Variants in KIF23 observed in about 807,000 individuals in gnomAD.
KIF23 encodes the protein kinesin-like protein KIF23.
Under a neutral mutation model 137.5 loss-of-function variants are expected in KIF23, and 30 were observed. That is an observed-to-expected ratio of 0.22 (90% CI 0.16 to 0.30). KIF23 has a LOEUF of 0.30. Among genes scored for constraint, KIF23 ranks in the 10% least tolerant of loss-of-function variants. KIF23 has a pLI of 1.00. For missense variants in KIF23, 920 were observed against 1,194.3 expected (o/e 0.77, Z 3.38); for synonymous variants, 367 against 391.1 (o/e 0.94, Z 0.73).
At chr15:69,431,932 T>TG (rs2057365185) in intron 11 of KIF23, among the ~76,000 whole-genome samples, 1 of 152,236 alleles carries the variant, frequency 6.6e-6, no homozygotes, top group African/African-American at 2.4e-5. Flanking sequence ...AAAGGACTCT[T>TG]GCAATTTGTC....
At position 69,440,977 on chromosome 15, in the gene KIF23, T is replaced by C. The variant is rs370794560; in HGVS notation, c.2319T>C (p.Cys773=). ...AGGAGCCAGGACAAAGCAAAACTTG[T>C]ATCGTGTCAGACAGAAGGCGAGGGA... The part of the protein sequence containing the change: ...RQQEPGQSKT[C]IVSDRRRGMY... The change falls in exon 19 of 24, where the codon TGT becomes TGC. Residue 773 remains cysteine, a synonymous_variant. Transcript: ENST00000679126. The C allele has an allele frequency of 6.2e-7, 1 of 1,614,058 alleles. No individual in the cohort carries two copies. The highest frequency in any genetic ancestry group is 1.3e-5 in the African/African-American group (1 of 74,926).
intron 10 of KIF23, chr15:69,427,617 G>A (rs541278254): frequency 2.4e-5 from 9 of 372,560 alleles, no homozygotes; most frequent in African/African-American, 1.5e-4. Flanking sequence ...TAGGCCAGTA[G>A]GGTCCCCCAT....
At position 69,418,852 on chromosome 15, in the gene KIF23, C is replaced by T. The variant is rs888029962; in HGVS notation, c.210+1341C>T. Among the ~76,000 whole-genome samples the T allele has an allele frequency of 3.3e-5, 5 of 152,192 alleles. No individual in the cohort carries two copies. The East Asian group carries it at 9.6e-4, about 29-fold the overall frequency. On this transcript the variant is annotated intron_variant, in intron 3 of 23. Transcript: ENST00000679126. ...AATTGAGCAGTGCCAGATGGAGGCT[C>T]ATGCCTGCAGTCTCAGCACTTTGGG...
At chr15:69,425,162 A>C in intron 7 of KIF23, 120 bp from the exon 8 acceptor site, 3 of 715,724 alleles carry the variant, frequency 4.2e-6, no homozygotes, top group Non-Finnish European at 4.5e-6. Context: ...ATGAAAAACT[A>C]TTACAAGTGG....
In KIF23 at chr15:69,446,952, A is replaced by G; in HGVS notation, c.2909+11A>G. 6.2e-7 allele frequency: 1 copy of G among 1,611,842 alleles called. No individual in the cohort carries two copies. On this transcript the variant is annotated intron_variant, in intron 23 of 23. Coordinates refer to ENST00000679126, the MANE Select transcript of KIF23 (RefSeq NM_001367805.3). ...TCACGCACAACCCAAGTGAGTACTG[A>G]CTGTAATTGGGGTCTTGCTGTGTGC...
intron 3 of KIF23, among the ~76,000 whole-genome samples, chr15:69,420,520 G>T (rs747883802): frequency 2.0e-5 from 3 of 152,088 alleles, no homozygotes; most frequent in Non-Finnish European, 4.4e-5. Context: ...TATTTAGAGA[G>T]CCTTGATAAT....
chr15:69,443,037 A>G (rs2057658840), intron 19 of KIF23, among the ~76,000 whole-genome samples: 1 of 152,168 alleles, frequency 6.6e-6, no homozygotes, highest in Non-Finnish European at 1.5e-5. Flanking sequence ...TTTTTGCTAA[A>G]TGGTAGATGA....
intron 11 of KIF23, chr15:69,434,419 G>T (rs564350970): frequency 3.3e-5 from 13 of 397,004 alleles, no homozygotes; most frequent in African/African-American, 2.4e-4. Context: ...GCCGTTGCTT[G>T]CTTTTGTCTT....
intron 1 of KIF23, 139 bp downstream of exon 1, chr15:69,414,615 G>A (rs2056842808): frequency 3.0e-6 from 3 of 990,974 alleles, no homozygotes; most frequent in Non-Finnish European, 4.1e-6. Context: ...CTGCGGCCGC[G>A]ACCCCAAAGT....
In KIF23 at chr15:69,417,437, G is replaced by A; in HGVS notation, c.136G>A (p.Val46Met). 6 of 1,613,852 alleles carry A rather than the reference G, an allele frequency of 3.7e-6. No individual in the cohort carries two copies. Among genetic ancestry groups the A allele is most frequent in the Non-Finnish European group, 5.1e-6 (6 of 1,179,854 alleles). The change falls in exon 3 of 24, where the codon GTG (valine) becomes ATG (methionine). Residue 46 changes from valine (V) to methionine (M), a missense_variant. Transcript: ENST00000679126. ...TCCTGATCAAGAGTGTTGCATAGAAGTGATCAATAATACAACTGTTCAGCT... is the reference window on the plus strand; with the variant it reads ...TCCTGATCAAGAGTGTTGCATAGAAATGATCAATAATACAACTGTTCAGCT... ...GFPDQECCIE[V>M]INNTTVQLHT...
intron 8 of KIF23, 46 bp downstream of exon 8, chr15:69,425,369 A>T: frequency 6.7e-7 from 1 of 1,483,474 alleles, no homozygotes; most frequent in Non-Finnish European, 9.1e-7. Context: ...GGGTGCAGTT[A>T]TACTATGGTT....
chr15:69,444,640 T>A lies in KIF23; in HGVS notation c.2422-150T>A. ...GTTAAAGATGTTTGTTGGTTTTGTG[T>A]TTAAATGCAAAGATCATGTTTAAAT... On this transcript the variant is annotated intron_variant, in intron 19 of 23. Transcript: ENST00000679126. This position sits in a 1 kb window ranked among gnomAD's most constrained non-coding sequence, Gnocchi z 4.2. 1.3e-6 allele frequency: 1 copy of A among 751,548 alleles called. No homozygotes were observed. The highest frequency in any genetic ancestry group is 3.7e-4 in the Middle Eastern group (1 of 2,670). The allele number at this position is 751,548 out of a possible 1,614,324, so 46.6% of individuals were successfully genotyped here.
chr15:69,443,344 T>C (rs1277135116), intron 19 of KIF23, among the ~76,000 whole-genome samples: 2 of 132,120 alleles, frequency 1.5e-5, no homozygotes, highest in African/African-American at 5.7e-5. Context: ...TTTTTTTTTT[T>C]TTTTTTTTTT....
chr15:69,436,593 A>C lies in KIF23; in HGVS notation c.1468A>C (p.Ser490Arg), dbSNP rs752524499. The C allele has an allele frequency of 6.2e-7, 1 of 1,611,790 alleles. No individual in the cohort carries two copies. The highest frequency in any genetic ancestry group is 8.5e-7 in the Non-Finnish European group (1 of 1,178,864). Residue 490 changes from serine to arginine, a missense_variant, in exon 15 of 24, where the codon AGT becomes CGT. Ser to Arg is a moderately radical substitution (Grantham distance 110). Coordinates refer to ENST00000679126, the MANE Select transcript of KIF23 (RefSeq NM_001367805.3). Reference sequence around the variant, plus strand: ...ATTGGTTACTGACGTGGTTTTGCAGAGTTTTCCACCTTTGCCATCATGCGA... The same window carrying C: ...ATTGGTTACTGACGTGGTTTTGCAGCGTTTTCCACCTTTGCCATCATGCGA... ...EPLVTDVVLQ[S>R]FPPLPSCEIL...
chr15:69,423,521 T>C (rs573558616), intron 7 of KIF23, among the ~76,000 whole-genome samples, 192 bp downstream of exon 7: 3 of 152,322 alleles, frequency 2.0e-5, no homozygotes, highest in Admixed American at 6.5e-5. Flanking sequence ...GTACCTGTAT[T>C]AGGGAACTAG....
Position 69,444,829 on chromosome 15 carries a change from C to G in KIF23, c.2461C>G (p.Leu821Val). The G allele has an allele frequency of 6.2e-7, 1 of 1,614,200 alleles. No individual in the cohort carries two copies. Among genetic ancestry groups the G allele is most frequent in the East Asian group, 2.2e-5 (1 of 44,894 alleles). Residue 821 changes from leucine to valine, a missense_variant, in exon 20 of 24, where the codon CTC (leucine) becomes GTC (valine). Physicochemically the swap from Leu to Val is conservative, Grantham distance 32 (BLOSUM62 1). Transcript: ENST00000679126. The surrounding 1 kb of genome is among the most constrained non-coding windows in gnomAD (Gnocchi z 4.2). Reference sequence around the variant, plus strand: ...TGATCAGAACGCACCACCAATTCGTCTCCGACACAGACGATCACGCTCTGC... The same window carrying G: ...TGATCAGAACGCACCACCAATTCGTGTCCGACACAGACGATCACGCTCTGC... ...QPDQNAPPIR[L>V]RHRRSRSAGD...
At position 69,435,648 on chromosome 15, in the gene KIF23, G is replaced by A; in HGVS notation, c.1195-4G>A. 6.2e-7 allele frequency: 1 copy of A among 1,613,476 alleles called. No homozygotes were observed. The highest frequency in any genetic ancestry group is 8.5e-7 in the Non-Finnish European group (1 of 1,179,900). On this transcript the variant is annotated splice_region_variant and splice_polypyrimidine_tract_variant and intron_variant, in intron 12 of 23. Coordinates refer to ENST00000679126, the MANE Select transcript of KIF23 (RefSeq NM_001367805.3). The stretch of plus-strand genomic sequence containing the variant: ...AACACATTTGGATATGAATGTCTTT[G>A]TAGATGGTTCCATATCGAGATTCAA...
Position 69,414,458 on chromosome 15 carries a change from C to T in KIF23, c.-8C>T. 1 of 1,589,926 alleles carries T rather than the reference C, an allele frequency of 6.3e-7. No homozygotes were observed. Among genetic ancestry groups the T allele is most frequent in the Non-Finnish European group, 8.6e-7 (1 of 1,168,652 alleles). ...CATGCGCGTTTGGGCGGCGTGGAGC[C>T]TGCTGCCATGAAGTCAGCGTGAGTA... On this transcript the variant is annotated 5_prime_UTR_variant, in exon 1 of 24. Coordinates refer to ENST00000679126, the MANE Select transcript of KIF23 (RefSeq NM_001367805.3).
At chr15:69,422,274 G>A in intron 5 of KIF23, 52 bp from the exon 6 acceptor site, 2 of 1,443,184 alleles carry the variant, frequency 1.4e-6, no homozygotes, top group Non-Finnish European at 1.9e-6. Flanking sequence ...TACTATTTAA[G>A]TTAAATTCTA....
Sources: gnomAD v4.1 joint callset for allele counts (sites outside exome capture counted in the v4.1 genomes callset) on GRCh38, gnomAD v4.1.1 for gene constraint, Gnocchi (gnomAD v3.1) non-coding constraint, MANE v1.5 for transcripts, NCBI Gene and HGNC (gene_info 2026-07-23, HGNC 2026-07-21) for gene names.